Variants in GTF2IRD1 observed in about 807,000 individuals in gnomAD.
GTF2IRD1 encodes the protein general transcription factor II-I repeat domain-containing protein 1.
In GTF2IRD1, 26 loss-of-function variants were observed where a neutral mutation model predicts 113.2. The observed-to-expected ratio is 0.23, with a 90% CI of 0.17 to 0.32. The LOEUF is 0.32. Ranked by LOEUF, GTF2IRD1 falls within the 10% of genes least tolerant of loss-of-function variation. The pLI, the probability that GTF2IRD1 is intolerant of heterozygous loss-of-function variation, is 1.00. For synonymous variants in GTF2IRD1, 484 were observed against 529.1 expected, an observed-to-expected ratio of 0.91 and a Z score of 1.17; for missense variants, 864 against 1,280.8, an observed-to-expected ratio of 0.67 and a Z score of 4.97.
chr7:74,569,944 G>A (rs1800590728), intron 22 of GTF2IRD1, among the ~76,000 whole-genome samples: 1 of 152,186 alleles, frequency 6.6e-6, no homozygotes, highest in Non-Finnish European at 1.5e-5. Context: ...AGCTGGCAGA[G>A]AGAGACCTGC....
intron 24 of GTF2IRD1, among the ~76,000 whole-genome samples, chr7:74,594,342 C>T (rs1358294155): frequency 7.2e-6 from 1 of 138,384 alleles, no homozygotes; most frequent in African/African-American, 2.5e-5. Context: ...ATGGCACCAC[C>T]GAACTCCAGC....
intron 1 of GTF2IRD1, among the ~76,000 whole-genome samples, chr7:74,478,150 C>G (rs1052885685): frequency 1.3e-5 from 2 of 152,254 alleles, no homozygotes; most frequent in Non-Finnish European, 2.9e-5. Flanking sequence ...TCCCTGACCC[C>G]TAGCTGGGTG....
rs1185708958 is a variant in GTF2IRD1 at position 74,512,456 on chromosome 7, T to C, written c.124-374T>C. 6.6e-6 allele frequency among the ~76,000 whole-genome samples: 1 copy of C among 152,112 alleles called. No homozygotes were observed. Among genetic ancestry groups the C allele is most frequent in the Non-Finnish European group, 1.5e-5 (1 of 68,006 alleles). ...CCGAGGTGGGATTGCAGCCCCAGTC[T>C]GTCCAGTCCCCGCCTGTCCTGCAGT... On this transcript the variant is annotated intron_variant, in intron 2 of 26. Transcript: ENST00000424337. The surrounding 1 kb of genome is among the most constrained non-coding windows in gnomAD (Gnocchi z 4.4).
At chr7:74,529,584 T>C (rs1440193285) in intron 8 of GTF2IRD1, 150 bp from the exon 9 acceptor site, 4 of 617,990 alleles carry the variant, frequency 6.5e-6, no homozygotes, top group Admixed American at 3.0e-5. Context: ...AAAAGTGATA[T>C]GATTTTGACA....
intron 22 of GTF2IRD1, among the ~76,000 whole-genome samples, chr7:74,589,098 G>A (rs1801899841): frequency 6.6e-6 from 1 of 152,154 alleles, no homozygotes; most frequent in African/African-American, 2.4e-5. Flanking sequence ...GCTCACATCT[G>A]TAATTCCTGA....
intron 23 of GTF2IRD1, among the ~76,000 whole-genome samples, chr7:74,590,307 C>T (rs781965732): frequency 5.3e-5 from 8 of 151,836 alleles, no homozygotes; most frequent in Non-Finnish European, 1.0e-4. Context: ...TCTTGATCTT[C>T]TGGGTTCAAG....
At chr7:74,504,511 G>A (rs1224117174) in intron 1 of GTF2IRD1, among the ~76,000 whole-genome samples, 1 of 152,140 alleles carries the variant, frequency 6.6e-6, no homozygotes, top group Non-Finnish European at 1.5e-5. Context: ...CTGCATCCCT[G>A]TGAATGTGAG....
In GTF2IRD1 at chr7:74,499,341, C is replaced by G. The variant is rs569383239; in HGVS notation, c.-6-8734C>G. 1.4e-3 allele frequency among the ~76,000 whole-genome samples: 203 copies of G among 149,576 alleles called. 1 individual carries two copies. The highest frequency in any genetic ancestry group is 4.7e-3 in the African/African-American group (192 of 40,504). ...TACCCAGTATGACCTAGGCGGGAGC[C>G]AATAAGCACAGGGAATGAGTATCAC... On this transcript the variant is annotated intron_variant, in intron 1 of 26. Coordinates refer to ENST00000424337, the MANE Select transcript of GTF2IRD1 (RefSeq NM_005685.4).
intron 24 of GTF2IRD1, among the ~76,000 whole-genome samples, chr7:74,594,114 G>T (rs1236327911): frequency 6.6e-6 from 1 of 151,704 alleles, no homozygotes; most frequent in East Asian, 1.9e-4. Context: ...CAGGACAATC[G>T]CTTGAACCCA....
chr7:74,598,922 C>T (rs587655121), intron 25 of GTF2IRD1, among the ~76,000 whole-genome samples: 27 of 152,284 alleles, frequency 1.8e-4, no homozygotes, highest in Non-Finnish European at 2.5e-4. Flanking sequence ...CACCACAGAC[C>T]CCCAGTTTCT....
intron 22 of GTF2IRD1, among the ~76,000 whole-genome samples, chr7:74,576,115 G>A (rs1170518084): frequency 3.3e-5 from 5 of 151,942 alleles, no homozygotes; most frequent in Non-Finnish European, 7.4e-5. Flanking sequence ...AGCCACGATT[G>A]TGCCACTGAA....
In GTF2IRD1 at chr7:74,537,530, G is replaced by A. The variant is rs1297045216; in HGVS notation, c.1410-606G>A. Among the ~76,000 whole-genome samples, 10 of 152,062 alleles carry A rather than the reference G, an allele frequency of 6.6e-5. 2 individuals carry two copies. The South Asian group carries it at 1.7e-3, about 25-fold the overall frequency. ...ATACATACATACCAACACCAGGTCT[G>A]ATGCCTGTCCTGAGTGCCCACCAGA... On this transcript the variant is annotated intron_variant, in intron 11 of 26. Transcript: ENST00000424337.
chr7:74,589,931 C>T lies in GTF2IRD1; in HGVS notation c.2398+3C>T, dbSNP rs782391130. 20 of 1,592,608 alleles carry T rather than the reference C, an allele frequency of 1.3e-5. No homozygotes were observed. The highest frequency in any genetic ancestry group is 1.6e-5 in the Non-Finnish European group (19 of 1,160,786). On this transcript the variant is annotated splice_donor_region_variant and intron_variant, in intron 23 of 26. Transcript: ENST00000424337. ...GGAACTCTTCAACGAGAAATACGGT[C>T]AGTGCCTGTGGTCAGGGTCAGCACA... is the stretch of plus-strand genomic sequence containing the variant.
chr7:74,593,996 G>C (rs58803008), intron 24 of GTF2IRD1, among the ~76,000 whole-genome samples: 2,599 of 151,680 alleles, frequency 0.017, 69 homozygotes, highest in African/African-American at 0.06. Context: ...TCAGGAGTTC[G>C]AGACCAGCCT....
rs1554335474 is a variant in GTF2IRD1, at chr7:74,485,795, G to A, written c.-6-22280G>A. ...TAAAAAATTAGCCGGGTATGGTGGC[G>A]CAATCATGTAGTCCCAGGTACTCGT... is the stretch of plus-strand genomic sequence containing the variant. On this transcript the variant is annotated intron_variant, in intron 1 of 26. Transcript: ENST00000424337. Among the ~76,000 whole-genome samples the A allele has an allele frequency of 6.6e-5, 10 of 151,968 alleles. No homozygotes were observed. The South Asian group carries it at 1.9e-3, about 29-fold the overall frequency.
intron 1 of GTF2IRD1, among the ~76,000 whole-genome samples, chr7:74,467,281 C>T (rs1483207558): frequency 2.6e-5 from 4 of 152,080 alleles, no homozygotes; most frequent in Admixed American, 6.6e-5. Context: ...CTCTCGTTGG[C>T]GCTCCTCTAC....
chr7:74,502,288 C>T (rs2129883232), intron 1 of GTF2IRD1, among the ~76,000 whole-genome samples: 1 of 152,318 alleles, frequency 6.6e-6, no homozygotes, highest in African/African-American at 2.4e-5. Context: ...TTGTCTTAGC[C>T]TTGTTCTTCT....
chr7:74,525,038 A>C (rs1250092591), intron 8 of GTF2IRD1, among the ~76,000 whole-genome samples: 1 of 152,056 alleles, frequency 6.6e-6, no homozygotes, highest in Non-Finnish European at 1.5e-5. Flanking sequence ...CCCTATCTCT[A>C]CAAAAAAACA....
At chr7:74,543,583 A>C (rs1356022559) in intron 14 of GTF2IRD1, among the ~76,000 whole-genome samples, 2 of 152,162 alleles carry the variant, frequency 1.3e-5, no homozygotes, top group Admixed American at 1.3e-4. Flanking sequence ...ATTTGATATG[A>C]AACAGTTAAA....
Sources: gnomAD v4.1 joint callset for allele counts (sites outside exome capture counted in the v4.1 genomes callset) on GRCh38, gnomAD v4.1.1 for gene constraint, Gnocchi (gnomAD v3.1) non-coding constraint, MANE v1.5 for transcripts, NCBI Gene and HGNC (gene_info 2026-07-23, HGNC 2026-07-21) for gene names.